The following PIK3C2G variants were observed in gnomAD, a reference collection of about 807,000 sequenced individuals.
PIK3C2G encodes the protein phosphatidylinositol-4-phosphate 3-kinase catalytic subunit type 2 gamma, also known as phosphatidylinositol 3-kinase C2 domain-containing subunit gamma.
In PIK3C2G, 168 loss-of-function variants were observed where a neutral mutation model predicts 181.1. The ratio of observed to expected loss-of-function variants is 0.93; its 90% CI spans 0.82 to 1.05. The LOEUF (loss-of-function observed/expected upper bound fraction) is 1.05, where lower values mean the gene tolerates loss of function less well. Ranked by LOEUF, PIK3C2G falls within the 50% of genes least tolerant of loss-of-function variation. The pLI is 0.00. For synonymous variants in PIK3C2G, 573 were observed against 592.2 expected, an observed-to-expected ratio of 0.97 and a Z score of 0.47; for missense variants, 1,869 against 1,732.8, an observed-to-expected ratio of 1.08 and a Z score of -1.40.
At chr12:18,692,820 C>T in the PIK3C2G span, 1,525,096 of 1,560,084 alleles carry the variant, frequency 0.98, 745,777 homozygotes, top group East Asian at 1. Flanking sequence ...GGATGACAAG[C>T]TCTAACAACT....
rs150501605 is a variant in PIK3C2G at position 18,472,028 on chromosome 12, T to G, written c.2505-16421T>G. The stretch of plus-strand genomic sequence containing the variant: ...GCTGTGAGAAATTTGGTTCTATTAT[T>G]TTAAACTACTACACTGAACTTTCTC... On this transcript the variant is annotated intron_variant, in intron 18 of 32. Coordinates refer to ENST00000538779, the MANE Select transcript of PIK3C2G (RefSeq NM_001288772.2). Among the ~76,000 whole-genome samples, 683 of 152,270 alleles carry G rather than the reference T, an allele frequency of 4.5e-3. 1 individual carries two copies. The highest frequency in any genetic ancestry group is 6.8e-3 in the Middle Eastern group (2 of 292).
intron 32 of PIK3C2G, among the ~76,000 whole-genome samples, chr12:18,645,150 G>A (rs1336031178): frequency 6.7e-6 from 1 of 148,410 alleles, no homozygotes; most frequent in Non-Finnish European, 1.5e-5. Flanking sequence ...TTGGTTCTGA[G>A]TATGTACCAG....
the PIK3C2G span, among the ~76,000 whole-genome samples, chr12:18,701,270 C>A: frequency 6.6e-6 from 1 of 152,078 alleles, no homozygotes; most frequent in African/African-American, 2.4e-5. Context: ...CAGGCATGAG[C>A]CACCGTGCTC....
intron 18 of PIK3C2G, among the ~76,000 whole-genome samples, chr12:18,460,064 C>T (rs1947834686): frequency 6.6e-6 from 1 of 152,144 alleles, no homozygotes; most frequent in Non-Finnish European, 1.5e-5. Context: ...CGCACCCAGC[C>T]CTTCTTTTTT....
chr12:18,498,487 G>T (rs1408416367), intron 22 of PIK3C2G, among the ~76,000 whole-genome samples: 1 of 151,928 alleles, frequency 6.6e-6, no homozygotes, highest in African/African-American at 2.4e-5. Flanking sequence ...AAATTAATTG[G>T]TATGAATTAT....
At chr12:18,520,343 T>C (rs1037924649) in intron 24 of PIK3C2G, among the ~76,000 whole-genome samples, 4 of 152,156 alleles carry the variant, frequency 2.6e-5, no homozygotes, top group African/African-American at 9.7e-5. Flanking sequence ...CTGATTCTCT[T>C]TCAGGTACTC....
the PIK3C2G span, among the ~76,000 whole-genome samples, chr12:18,686,109 C>T: frequency 6.6e-6 from 1 of 152,002 alleles, no homozygotes; most frequent in Non-Finnish European, 1.5e-5. Flanking sequence ...GACTTCTGCG[C>T]AGTGTTTCTC....
intron 13 of PIK3C2G, among the ~76,000 whole-genome samples, chr12:18,373,625 G>C (rs1167895043): frequency 3.3e-5 from 5 of 152,092 alleles, no homozygotes; most frequent in Admixed American, 3.3e-4. Context: ...CGAGGCGGGT[G>C]GATCACAAGG....
rs546853258 is a variant in PIK3C2G at position 18,552,022 on chromosome 12, GCTT to G, written c.3590+5596_3590+5598del. The stretch of plus-strand genomic sequence containing the variant: ...CCCTTTCACAGAAAAATAGCCTAGA[GCTT>G]CTTCTGTGAACTTTGAGCTGTGAGG... On this transcript the variant is annotated intron_variant, in intron 26 of 32. Transcript: ENST00000538779. Among the ~76,000 whole-genome samples the G allele has an allele frequency of 2.7e-4, 41 of 152,218 alleles. No individual in the cohort carries two copies. The South Asian group carries it at 8.5e-3, about 32-fold the overall frequency.
chr12:18,324,580 T>G (rs1951252022), intron 7 of PIK3C2G, among the ~76,000 whole-genome samples: 1 of 152,176 alleles, frequency 6.6e-6, no homozygotes, highest in Non-Finnish European at 1.5e-5. Context: ...AAGAGAAGCT[T>G]AGGAAAGAAA....
intron 5 of PIK3C2G, among the ~76,000 whole-genome samples, chr12:18,299,440 G>T (rs1378205281): frequency 2.0e-5 from 3 of 151,724 alleles, no homozygotes; most frequent in Non-Finnish European, 3.0e-5. Flanking sequence ...AGAGTTTTTT[G>T]GTGGAATCTT....
At chr12:18,672,826 T>C in the PIK3C2G span, among the ~76,000 whole-genome samples, 1 of 152,090 alleles carries the variant, frequency 6.6e-6, no homozygotes, top group South Asian at 2.1e-4. Flanking sequence ...ACAGAAATGC[T>C]TCGATGTAGT....
intron 30 of PIK3C2G, among the ~76,000 whole-genome samples, chr12:18,605,191 G>A (rs1024104206): frequency 1.3e-5 from 2 of 152,102 alleles, no homozygotes; most frequent in East Asian, 1.9e-4. Flanking sequence ...ATGGAGAAAT[G>A]AAACGGGAGA....
intron 7 of PIK3C2G, among the ~76,000 whole-genome samples, chr12:18,324,726 C>G (rs543185281): frequency 6.6e-6 from 1 of 152,264 alleles, no homozygotes; most frequent in South Asian, 2.1e-4. Flanking sequence ...GCTTATGAAT[C>G]CCTTTGCAAC....
intron 22 of PIK3C2G, among the ~76,000 whole-genome samples, chr12:18,500,051 TGAG>T (rs1941307085): frequency 6.6e-6 from 1 of 152,204 alleles, no homozygotes; most frequent in Non-Finnish European, 1.5e-5. Flanking sequence ...TGGCGGCACT[TGAG>T]GAGCCCTTCA....
intron 13 of PIK3C2G, among the ~76,000 whole-genome samples, chr12:18,380,687 A>G: frequency 6.6e-6 from 1 of 152,248 alleles, no homozygotes; most frequent in East Asian, 1.9e-4. Flanking sequence ...TTCTTGAGTC[A>G]TATAAAACAT....
intron 5 of PIK3C2G, among the ~76,000 whole-genome samples, chr12:18,303,938 T>C (rs966059348): frequency 1.3e-5 from 2 of 151,884 alleles, no homozygotes; most frequent in African/African-American, 4.8e-5. Context: ...GCTGAAAACA[T>C]ATTCTTAAAA....
chr12:18,497,727 C>T lies in PIK3C2G; in HGVS notation c.2995C>T (p.Leu999=). 6.2e-7 allele frequency: 1 copy of T among 1,612,144 alleles called. No homozygotes were observed. Among genetic ancestry groups the T allele is most frequent in the Non-Finnish European group, 8.5e-7 (1 of 1,178,734 alleles). Residue 999 remains leucine (L), a synonymous_variant, in exon 22 of 33, where the codon CTA becomes TTA. Coordinates refer to ENST00000538779, the MANE Select transcript of PIK3C2G (RefSeq NM_001288772.2). ...TATGCAAATGATCATTTATAGATGTCTATCCACAGGAAAAGACCAAGGTCA... is the reference window on the plus strand; with the variant it reads ...TATGCAAATGATCATTTATAGATGTTTATCCACAGGAAAAGACCAAGGTCA... ...LDMQMIIYRC[L]STGKDQGLVQ...
At chr12:18,463,321 C>A (rs1027910913) in intron 18 of PIK3C2G, among the ~76,000 whole-genome samples, 2 of 152,110 alleles carry the variant, frequency 1.3e-5, no homozygotes, top group African/African-American at 4.8e-5. Context: ...TATAAGGCAG[C>A]AAGAAACTGA....
Sources: allele counts gnomAD v4.1 joint callset (sites outside exome capture counted in the v4.1 genomes callset), GRCh38; gene constraint gnomAD v4.1.1; transcripts MANE v1.5; gene names NCBI Gene and HGNC (gene_info 2026-07-23, HGNC 2026-07-21).